BTBD9: variants seen among roughly 807,000 people sequenced by gnomAD.
BTBD9 encodes the protein BTB/POZ domain-containing protein 9.
Under a neutral mutation model 64.3 loss-of-function variants are expected in BTBD9, and 49 were observed. The observed-to-expected ratio is 0.76, with a 90% CI of 0.61 to 0.97. BTBD9 has a LOEUF of 0.97. Ranked by LOEUF, BTBD9 falls within the 50% of genes least tolerant of loss-of-function variation. The pLI is 0.00. For missense variants in BTBD9, 598 were observed against 762.1 expected, an observed-to-expected ratio of 0.78 and a Z score of 2.53; for synonymous variants, 260 against 274.7, an observed-to-expected ratio of 0.95 and a Z score of 0.53.
At chr6:38,609,796 C>T (rs1238513194) in intron 1 of BTBD9, among the ~76,000 whole-genome samples, 1 of 152,164 alleles carries the variant, frequency 6.6e-6, no homozygotes, top group Non-Finnish European at 1.5e-5. Flanking sequence ...AAATATGCAT[C>T]AAGGTTGATC....
rs62397026 is a variant in BTBD9 at position 38,274,045 on chromosome 6, T to C, written c.1454+14227A>G. Among the ~76,000 whole-genome samples the C allele has an allele frequency of 4.6e-3, 696 of 152,292 alleles. 2 individuals are homozygous for C. Among genetic ancestry groups the C allele is most frequent in the Non-Finnish European group, 7.9e-3 (539 of 68,008 alleles). On this transcript the variant is annotated intron_variant, in intron 8 of 10. Transcript: ENST00000481247. ...CCACAATTTCAGGAAGGAGTGAAGA[T>C]GGATATAGGGGAAGGCATGAAGAAA...
At chr6:38,417,802 A>G (rs12207962) in intron 6 of BTBD9, among the ~76,000 whole-genome samples, 1,223 of 102,462 alleles carry the variant, frequency 0.012, 15 homozygotes, top group Non-Finnish European at 0.016. Context: ...GAGAGAGAGA[A>G]AAAAAATATT....
chr6:38,335,728 G>C (rs1763867838), intron 7 of BTBD9, among the ~76,000 whole-genome samples: 2 of 151,772 alleles, frequency 1.3e-5, no homozygotes, highest in South Asian at 4.2e-4. Flanking sequence ...ACCATGCCCA[G>C]CTAATTTATT....
chr6:38,206,719 T>C (rs544640257), intron 9 of BTBD9, among the ~76,000 whole-genome samples: 13 of 152,350 alleles, frequency 8.5e-5, no homozygotes, highest in Middle Eastern at 3.4e-3. Context: ...ATGTGTGTAC[T>C]TGCAAGGGCA....
chr6:38,192,492 G>T, intron 10 of BTBD9, 27 bp downstream of exon 10: 1 of 1,586,212 alleles, frequency 6.3e-7, no homozygotes, highest in Non-Finnish European at 8.7e-7. Flanking sequence ...AAATCTCATG[G>T]CACCTCTCAT....
intron 6 of BTBD9, among the ~76,000 whole-genome samples, chr6:38,397,723 A>T (rs1383156711): frequency 6.6e-6 from 1 of 152,220 alleles, no homozygotes; most frequent in Admixed American, 6.5e-5. Context: ...ACACAAACAA[A>T]CACATTAAGA....
rs1769346153 is a variant in BTBD9 at position 38,447,841 on chromosome 6, C to T, written c.1155-102748G>A. On this transcript the variant is annotated intron_variant, in intron 6 of 10. Coordinates refer to ENST00000481247, the MANE Select transcript of BTBD9 (RefSeq NM_001099272.2). ...TAACATGATTGATATTTAAGCTTTT[C>T]CAGGGTAAAGTTAAAGAAGCTGGTG... 3.3e-5 allele frequency among the ~76,000 whole-genome samples: 5 copies of T among 152,100 alleles called. 1 individual carries two copies. In the South Asian group the frequency reaches 1.0e-3, roughly 32 times the overall value.
intron 6 of BTBD9, among the ~76,000 whole-genome samples, chr6:38,573,074 A>G (rs1281470599): frequency 6.6e-6 from 1 of 152,142 alleles, no homozygotes; most frequent in Non-Finnish European, 1.5e-5. Context: ...AATATGCAGA[A>G]GACAAAAACA....
chr6:38,396,860 T>C (rs1458969464), intron 6 of BTBD9, among the ~76,000 whole-genome samples: 1 of 151,784 alleles, frequency 6.6e-6, no homozygotes, highest in Non-Finnish European at 1.5e-5. Flanking sequence ...TTAAATAAAA[T>C]ACATTATTAA....
chr6:38,412,642 C>T (rs562383538), intron 6 of BTBD9, among the ~76,000 whole-genome samples: 2 of 151,438 alleles, frequency 1.3e-5, no homozygotes, highest in African/African-American at 4.8e-5. Context: ...GCAGATCAAA[C>T]GAGGTCAGGA....
chr6:38,473,483 C>T (rs779507010), intron 6 of BTBD9, among the ~76,000 whole-genome samples: 2 of 152,130 alleles, frequency 1.3e-5, no homozygotes, highest in Non-Finnish European at 2.9e-5. Flanking sequence ...TCTGTCAGTG[C>T]TATTTTAATT....
chr6:38,271,983 G>A (rs1271339953), intron 8 of BTBD9, among the ~76,000 whole-genome samples: 1 of 151,884 alleles, frequency 6.6e-6, no homozygotes, highest in African/African-American at 2.4e-5. Flanking sequence ...TGGGGGGAGG[G>A]GGGGAAGCAG....
At chr6:38,263,542 T>G (rs936012054) in intron 8 of BTBD9, among the ~76,000 whole-genome samples, 2 of 152,154 alleles carry the variant, frequency 1.3e-5, no homozygotes. Flanking sequence ...TCTCAAAAAT[T>G]TAGAATTATG....
intron 6 of BTBD9, among the ~76,000 whole-genome samples, chr6:38,512,631 C>T (rs550010515): frequency 6.6e-6 from 1 of 152,296 alleles, no homozygotes; most frequent in East Asian, 1.9e-4. Context: ...CCCACCCTTT[C>T]AGACACACAA....
intron 6 of BTBD9, among the ~76,000 whole-genome samples, chr6:38,381,428 T>C (rs1765928457): frequency 6.6e-6 from 1 of 152,180 alleles, no homozygotes; most frequent in Non-Finnish European, 1.5e-5. Flanking sequence ...TCTAAGTGCA[T>C]ATGCAGCTAA....
chr6:38,367,818 A>C (rs1562086214), intron 6 of BTBD9, among the ~76,000 whole-genome samples: 1 of 101,660 alleles, frequency 9.8e-6, no homozygotes, highest in African/African-American at 3.5e-5. Flanking sequence ...AAAAAAAAAA[A>C]AAAAAAAAAA....
At chr6:38,235,402 A>G (rs1377192279) in intron 9 of BTBD9, among the ~76,000 whole-genome samples, 2 of 152,150 alleles carry the variant, frequency 1.3e-5, no homozygotes, top group South Asian at 2.1e-4. Context: ...TTTAGAACCA[A>G]CCTTCAGGGC....
intron 6 of BTBD9, among the ~76,000 whole-genome samples, chr6:38,438,322 C>T (rs140626156): frequency 8.6e-5 from 13 of 151,962 alleles, no homozygotes; most frequent in Non-Finnish European, 1.9e-4. Context: ...ACTGCTTTCA[C>T]ATACTTTGGA....
rs1277696298 is a variant in BTBD9 at position 38,175,195 on chromosome 6, AG to A, written c.1642-14del. On this transcript the variant is annotated splice_polypyrimidine_tract_variant and intron_variant, in intron 10 of 10. Transcript: ENST00000481247. ...CACAGTGGAACACCTGGGAGAGAAAAGGAAAAGACCCCATGAGTGAAGGGTC... is the reference window on the plus strand; with the variant it reads ...CACAGTGGAACACCTGGGAGAGAAAAGAAAAGACCCCATGAGTGAAGGGTC... The A allele has an allele frequency of 2.5e-6, 4 of 1,614,050 alleles. No homozygotes were observed. Among genetic ancestry groups the A allele is most frequent in the East Asian group, 2.2e-5 (1 of 44,872 alleles).
Sources: gnomAD v4.1 joint callset for allele counts (sites outside exome capture counted in the v4.1 genomes callset) on GRCh38, gnomAD v4.1.1 for gene constraint, MANE v1.5 for transcripts, NCBI Gene and HGNC (gene_info 2026-07-23, HGNC 2026-07-21) for gene names.